VSIG1: variants seen among roughly 807,000 people sequenced by gnomAD.
VSIG1 encodes V-set and immunoglobulin domain containing 1.
In VSIG1, 11 loss-of-function variants were observed where a neutral mutation model predicts 20.1. The ratio of observed to expected loss-of-function variants is 0.55; its 90% CI spans 0.34 to 0.91. VSIG1 has a LOEUF of 0.91. VSIG1 is among the 40% of genes least tolerant of loss of function. VSIG1 has a pLI of 0.02. For missense variants in VSIG1, 283 were observed against 298.8 expected (o/e 0.95, Z 0.39); for synonymous variants, 126 against 116.7 (o/e 1.08, Z -0.52).
rs181249157 is a variant in VSIG1, at chrX:108,052,702, C to G, written c.50-5336C>G. Among the ~76,000 whole-genome samples, 11 of 111,514 alleles carry G rather than the reference C, an allele frequency of 9.9e-5. No individual in the cohort carries two copies. In the East Asian group the frequency reaches 3.1e-3, roughly 31 times the overall value. On this transcript the variant is annotated intron_variant, in intron 1 of 6. Transcript: ENST00000217957. ...TGTTAATTAGCTCGATGTAATTATT[C>G]CACAGTGTATGCATATATTAAAATA...
intron 1 of VSIG1, among the ~76,000 whole-genome samples, chrX:108,046,104 G>A (rs1419782311): frequency 9.0e-6 from 1 of 111,562 alleles, no homozygotes; most frequent in African/African-American, 3.3e-5. Flanking sequence ...GATTATAGAT[G>A]ATTTTAATTT....
intron 1 of VSIG1, among the ~76,000 whole-genome samples, chrX:108,049,890 AT>A (rs371281683): frequency 2.4e-3 from 270 of 112,342 alleles, no homozygotes; most frequent in African/African-American, 8.1e-3. Context: ...TGTTGGAAAG[AT>A]TAGCTGCTTT....
chrX:108,078,853 A>T lies in VSIG1; in HGVS notation c.*1472A>T, dbSNP rs2031399551. 1 of 112,136 alleles carries T rather than the reference A, an allele frequency of 8.9e-6. No individual in the cohort carries two copies. The highest frequency in any genetic ancestry group is 3.2e-5 in the African/African-American group (1 of 30,822). 9.2% of individuals were successfully genotyped at this position (112,136 alleles called of 1,213,427 possible). On this transcript the variant is annotated 3_prime_UTR_variant, in exon 7 of 7. Coordinates refer to ENST00000217957, the MANE Select transcript of VSIG1 (RefSeq NM_182607.5). ...ATTTTAGATAATTTCAACTAATTAA[A>T]TAACCTGTTTTACTGCCTGTACATT... is the stretch of plus-strand genomic sequence containing the variant.
At chrX:108,057,453 C>T (rs2030923857) in intron 1 of VSIG1, among the ~76,000 whole-genome samples, 1 of 112,374 alleles carries the variant, frequency 8.9e-6, no homozygotes, top group South Asian at 3.7e-4. Flanking sequence ...ATGTCAGTAT[C>T]CTGGTTGTGA....
intron 3 of VSIG1, among the ~76,000 whole-genome samples, chrX:108,072,262 G>T (rs1347100163): frequency 1.8e-5 from 2 of 110,044 alleles, no homozygotes; most frequent in African/African-American, 6.6e-5. Context: ...AATTTTTTTT[G>T]TGTGTGTGGA....
chrX:108,041,349 AT>A (rs750997329), upstream of VSIG1, among the ~76,000 whole-genome samples: 69 of 111,640 alleles, frequency 6.2e-4, 1 homozygote, highest in East Asian at 0.011. Context: ...CCATCTAAGA[AT>A]TTACCAATAA....
At chrX:108,075,139 A>G (rs190226488) in intron 5 of VSIG1, among the ~76,000 whole-genome samples, 132 of 111,841 alleles carry the variant, frequency 1.2e-3, no homozygotes, top group African/African-American at 4.1e-3. Context: ...TTTTGGAAGA[A>G]CATGGTGGGT....
At chrX:108,063,740 G>T (rs749166463) in intron 2 of VSIG1, among the ~76,000 whole-genome samples, 52 of 111,415 alleles carry the variant, frequency 4.7e-4, no homozygotes, top group South Asian at 3.8e-3. Flanking sequence ...AGCCTCTAGC[G>T]TCACCCTGGG....
chrX:108,046,158 A>G (rs2030572404), intron 1 of VSIG1, among the ~76,000 whole-genome samples: 1 of 111,981 alleles, frequency 8.9e-6, no homozygotes, highest in South Asian at 3.8e-4. Flanking sequence ...TACGAAGAAC[A>G]TTATGCTATT....
Position 108,058,197 on chromosome X carries a change from T to TAAGTG in VSIG1, c.209_210insAAGTG (p.Ile72ValfsTer12). 1 of 1,203,596 alleles carries TAAGTG rather than the reference T, an allele frequency of 8.3e-7. No individual in the cohort carries two copies. The highest frequency in any genetic ancestry group is 1.1e-6 in the Non-Finnish European group (1 of 891,749). On this transcript the variant is annotated frameshift_variant, in exon 2 of 7. Coordinates refer to ENST00000217957, the MANE Select transcript of VSIG1 (RefSeq NM_182607.5). LOFTEE classifies it high-confidence loss of function. ...TTCCATAAGAAGGAGATGGAGCCAA[T>TAAGTG]TTCTGTAAGGACACTTTTTCCTAAA...
the VSIG1 span, among the ~76,000 whole-genome samples, chrX:108,019,606 C>A: frequency 1.2e-3 from 131 of 112,226 alleles, no homozygotes; most frequent in African/African-American, 4.1e-3. Context: ...GCAGTGGAAT[C>A]TGTCCTTTGC....
At chrX:108,059,815 C>A (rs1291381551) in intron 2 of VSIG1, among the ~76,000 whole-genome samples, 1 of 112,624 alleles carries the variant, frequency 8.9e-6, no homozygotes, top group Non-Finnish European at 1.9e-5. Flanking sequence ...GCTTGAAATC[C>A]TTCTCATTTT....
intron 1 of VSIG1, 57 bp from the exon 2 acceptor site, chrX:108,057,981 A>G: frequency 9.2e-7 from 1 of 1,081,091 alleles, no homozygotes; most frequent in South Asian, 2.2e-5. Flanking sequence ...CTGTGATGAA[A>G]CAGTGTTATC....
chrX:108,039,238 A>G, the VSIG1 span, among the ~76,000 whole-genome samples: 8 of 112,131 alleles, frequency 7.1e-5, no homozygotes, highest in Admixed American at 2.8e-4. Flanking sequence ...GCTGGAGTGC[A>G]GTGGCCTGAT....
intron 3 of VSIG1, among the ~76,000 whole-genome samples, chrX:108,070,463 T>G (rs991669712): frequency 1.5e-4 from 17 of 112,245 alleles, no homozygotes; most frequent in African/African-American, 5.5e-4. Flanking sequence ...GAGAAAAATA[T>G]TCTAAGCAAA....
intron 2 of VSIG1, among the ~76,000 whole-genome samples, chrX:108,060,661 G>A (rs2031000425): frequency 9.0e-6 from 1 of 111,527 alleles, no homozygotes; most frequent in Non-Finnish European, 1.9e-5. Flanking sequence ...TTCTTGCTCT[G>A]CCACTTATTT....
chrX:108,068,497 G>A (rs752926371), intron 3 of VSIG1, among the ~76,000 whole-genome samples: 15 of 111,811 alleles, frequency 1.3e-4, no homozygotes, highest in Admixed American at 9.5e-5. Context: ...TTCTTGGGAA[G>A]CCTCAGGAAA....
chrX:108,039,722 G>A, the VSIG1 span, among the ~76,000 whole-genome samples: 1 of 110,603 alleles, frequency 9.0e-6, no homozygotes, highest in Non-Finnish European at 1.9e-5. Context: ...GGGCAGCAAA[G>A]ATGGGGGAAG....
At chrX:108,049,106 G>T (rs1197173982) in intron 1 of VSIG1, among the ~76,000 whole-genome samples, 1 of 112,072 alleles carries the variant, frequency 8.9e-6, no homozygotes, top group Non-Finnish European at 1.9e-5. Context: ...TGGCCTGGAG[G>T]TTTTGCTTTG....
Sources: allele counts gnomAD v4.1 joint callset (sites outside exome capture counted in the v4.1 genomes callset), GRCh38; gene constraint gnomAD v4.1.1; transcripts MANE v1.5; gene names NCBI Gene and HGNC (gene_info 2026-07-23, HGNC 2026-07-21).